ADCY2: variants seen among roughly 807,000 people sequenced by gnomAD.
The protein encoded by ADCY2 is adenylate cyclase type 2.
In ADCY2, 31 loss-of-function variants were observed where a neutral mutation model predicts 125.2. The observed-to-expected ratio is 0.25, with a 90% CI of 0.19 to 0.33. ADCY2 has a LOEUF of 0.33. Ranked by LOEUF, ADCY2 falls within the 10% of genes least tolerant of loss-of-function variation. ADCY2 has a pLI of 1.00. For synonymous variants in ADCY2, 512 were observed against 548.4 expected, an observed-to-expected ratio of 0.93 and a Z score of 0.93; for missense variants, 904 against 1,418.2, an observed-to-expected ratio of 0.64 and a Z score of 5.82.
At chr5:7,497,085 G>T (rs1308018304) in intron 2 of ADCY2, among the ~76,000 whole-genome samples, 1 of 152,084 alleles carries the variant, frequency 6.6e-6, no homozygotes, top group African/African-American at 2.4e-5. Flanking sequence ...TGCATCCAAA[G>T]ATAAAGCACA....
rs4293876 is a variant in ADCY2, at chr5:7,572,972, G to A, written c.570+52073G>A. ...AATTAAGGTTAAACAAGGTCTTTAG[G>A]GTGGGCTGTAATCTGATATAACTGG... is the stretch of plus-strand genomic sequence containing the variant. On this transcript the variant is annotated intron_variant, in intron 3 of 24. Coordinates refer to ENST00000338316, the MANE Select transcript of ADCY2 (RefSeq NM_020546.3). Among the ~76,000 whole-genome samples, 223 of 152,004 alleles carry A rather than the reference G, an allele frequency of 1.5e-3. 4 individuals are homozygous for A. Among genetic ancestry groups the A allele is most frequent in the African/African-American group, 4.9e-3 (203 of 41,466 alleles).
At chr5:7,728,935 C>G (rs1742014711) in intron 14 of ADCY2, among the ~76,000 whole-genome samples, 1 of 152,150 alleles carries the variant, frequency 6.6e-6, no homozygotes, top group Non-Finnish European at 1.5e-5. Context: ...AGAAACACAT[C>G]CTCGTCATGT....
intron 3 of ADCY2, among the ~76,000 whole-genome samples, chr5:7,619,693 AAG>A (rs1737887962): frequency 6.6e-6 from 1 of 152,200 alleles, no homozygotes; most frequent in Non-Finnish European, 1.5e-5. Context: ...CTTGAAGTCA[AAG>A]AGAGAATGAA....
intron 4 of ADCY2, among the ~76,000 whole-genome samples, chr5:7,663,658 T>G (rs1739613525): frequency 6.6e-6 from 1 of 152,210 alleles, no homozygotes; most frequent in South Asian, 2.1e-4. Flanking sequence ...CATTGAACCT[T>G]GTTTCTTCTG....
intron 1 of ADCY2, among the ~76,000 whole-genome samples, chr5:7,398,039 A>T (rs1203697832): frequency 6.6e-6 from 1 of 152,094 alleles, no homozygotes; most frequent in Admixed American, 6.5e-5. Context: ...TCTACTTATT[A>T]TTTTTTACTT....
intron 4 of ADCY2, among the ~76,000 whole-genome samples, chr5:7,680,765 T>A (rs1192835689): frequency 6.6e-6 from 1 of 152,222 alleles, no homozygotes. Flanking sequence ...TTCTGTAAGC[T>A]CTAAGCCATG....
At chr5:7,584,289 A>G (rs1333001421) in intron 3 of ADCY2, among the ~76,000 whole-genome samples, 1 of 152,076 alleles carries the variant, frequency 6.6e-6, no homozygotes, top group Non-Finnish European at 1.5e-5. Context: ...CAAAAATATC[A>G]TTTCGGAAAA....
intron 3 of ADCY2, among the ~76,000 whole-genome samples, chr5:7,582,837 T>C (rs901984442): frequency 6.6e-6 from 1 of 152,106 alleles, no homozygotes; most frequent in Non-Finnish European, 1.5e-5. Flanking sequence ...TTCTATTTAA[T>C]ATTTACTGCA....
chr5:7,826,804 A>G lies in ADCY2; in HGVS notation c.3209A>G (p.Asp1070Gly), dbSNP rs1344104482. 2 of 1,614,096 alleles carry G rather than the reference A, an allele frequency of 1.2e-6. No homozygotes were observed. The highest frequency in any genetic ancestry group is 1.1e-5 in the South Asian group (1 of 91,058). The part of the protein sequence containing the change: ...RGIINVKGKG[D>G]LKTYFVNTEM... ...ATAATCAACGTGAAAGGAAAGGGGGACCTGAAGACGTACTTTGTAAACACA... is the reference window on the plus strand; with the variant it reads ...ATAATCAACGTGAAAGGAAAGGGGGGCCTGAAGACGTACTTTGTAAACACA... The change falls in exon 25 of 25, where the codon GAC becomes GGC. Residue 1070 changes from aspartate (D) to glycine (G), a missense_variant. Transcript: ENST00000338316.
rs538308255 is a variant in ADCY2, at chr5:7,816,012, G to A, written c.2884-854G>A. On this transcript the variant is annotated intron_variant, in intron 22 of 24. Coordinates refer to ENST00000338316, the MANE Select transcript of ADCY2 (RefSeq NM_020546.3). ...TCTTCACACGGCCTTCCCTTTGTGG[G>A]TGACTGGGTCCTAACTGCCTCTTCT... Among the ~76,000 whole-genome samples, 323 of 152,240 alleles carry A rather than the reference G, an allele frequency of 2.1e-3. 2 individuals carry two copies. The highest frequency in any genetic ancestry group is 7.5e-3 in the African/African-American group (312 of 41,544).
chr5:7,563,586 C>T (rs1735795522), intron 3 of ADCY2, among the ~76,000 whole-genome samples: 1 of 152,160 alleles, frequency 6.6e-6, no homozygotes, highest in South Asian at 2.1e-4. Flanking sequence ...AGTGGAACTT[C>T]ATATATAGAG....
intron 5 of ADCY2, among the ~76,000 whole-genome samples, chr5:7,693,937 C>T (rs902838987): frequency 4.7e-4 from 71 of 152,252 alleles, no homozygotes; most frequent in African/African-American, 1.5e-3. Context: ...TTTCTCTGAG[C>T]GAGCATCGTT....
chr5:7,577,885 A>C (rs11741044), intron 3 of ADCY2, among the ~76,000 whole-genome samples: 94,787 of 151,934 alleles, frequency 0.62, 30,317 homozygotes, highest in Non-Finnish European at 0.69. Flanking sequence ...AAGTCAAATT[A>C]TGGGGCCCAC....
intron 3 of ADCY2, among the ~76,000 whole-genome samples, chr5:7,540,827 C>G (rs1454991931): frequency 2.6e-5 from 4 of 152,154 alleles, no homozygotes; most frequent in African/African-American, 9.7e-5. Context: ...TCTATTCTCT[C>G]ATTTGAATTT....
At chr5:7,746,777 C>T (rs567045996) in intron 15 of ADCY2, among the ~76,000 whole-genome samples, 3 of 152,260 alleles carry the variant, frequency 2.0e-5, no homozygotes, top group East Asian at 1.9e-4. Flanking sequence ...TTCAGTTCTC[C>T]GTATGAAGAA....
At chr5:7,731,748 C>A (rs1199855079) in intron 14 of ADCY2, among the ~76,000 whole-genome samples, 1 of 152,016 alleles carries the variant, frequency 6.6e-6, no homozygotes, top group African/African-American at 2.4e-5. Context: ...AGATTACAAG[C>A]ACCTGCCACT....
chr5:7,635,330 G>C (rs1161231899), intron 4 of ADCY2, among the ~76,000 whole-genome samples: 1 of 152,178 alleles, frequency 6.6e-6, no homozygotes, highest in Non-Finnish European at 1.5e-5. Flanking sequence ...AGCAGTACAG[G>C]CTGGATACAG....
In ADCY2 at chr5:7,396,601, G is replaced by A. The variant is rs891368019; in HGVS notation, c.210+95G>A. 2 of 725,218 alleles carry A rather than the reference G, an allele frequency of 2.8e-6. No homozygotes were observed. The highest frequency in any genetic ancestry group is 3.7e-6 in the Non-Finnish European group (2 of 541,718). 44.9% of individuals were successfully genotyped at this position (725,218 alleles called of 1,614,324 possible). A position where few individuals can be genotyped will look rare whatever the true frequency, so the allele number is the denominator to read the frequency against. On this transcript the variant is annotated intron_variant, in intron 1 of 24. Coordinates refer to ENST00000338316, the MANE Select transcript of ADCY2 (RefSeq NM_020546.3). This position sits in a 1 kb window ranked among gnomAD's most constrained non-coding sequence, Gnocchi z 5.7. ...CGCGTCCCGCTCCGGGCTGCCCCTC[G>A]GCCCGCGGCAGCCCCTCGGCCCGCG...
chr5:7,432,749 T>C (rs1740650541), intron 2 of ADCY2, among the ~76,000 whole-genome samples: 1 of 152,206 alleles, frequency 6.6e-6, no homozygotes, highest in African/African-American at 2.4e-5. Context: ...CAAAAGCTGA[T>C]TGTACACAAT....
Sources: gnomAD v4.1 joint callset for allele counts (sites outside exome capture counted in the v4.1 genomes callset) on GRCh38, gnomAD v4.1.1 for gene constraint, Gnocchi (gnomAD v3.1) non-coding constraint, MANE v1.5 for transcripts, NCBI Gene and HGNC (gene_info 2026-07-23, HGNC 2026-07-21) for gene names.